Variants in TRHDE observed in about 807,000 individuals in gnomAD.
TRHDE encodes thyrotropin-releasing hormone-degrading ectoenzyme.
Under a neutral mutation model 125.7 loss-of-function variants are expected in TRHDE, and 72 were observed. That is an observed-to-expected ratio of 0.57 (90% CI 0.47 to 0.70). The LOEUF (loss-of-function observed/expected upper bound fraction) is 0.70, where lower values mean the gene tolerates loss of function less well. Ranked by LOEUF, TRHDE falls within the 30% of genes least tolerant of loss-of-function variation. The pLI is 0.00. For synonymous variants in TRHDE, 509 were observed against 509.1 expected, an observed-to-expected ratio of 1.00 and a Z score of 0.00; for missense variants, 1,110 against 1,327.1, an observed-to-expected ratio of 0.84 and a Z score of 2.54.
intron 9 of TRHDE, among the ~76,000 whole-genome samples, chr12:72,563,797 C>T (rs1248414518): frequency 1.8e-4 from 3 of 16,702 alleles, no homozygotes; most frequent in Non-Finnish European, 3.5e-4. Flanking sequence ...CCAGTGAGGG[C>T]TGGGGGCGGG....
chr12:72,485,195 G>T (rs1409446408), intron 5 of TRHDE, among the ~76,000 whole-genome samples: 1 of 152,082 alleles, frequency 6.6e-6, no homozygotes, highest in African/African-American at 2.4e-5. Flanking sequence ...GAAGGAGTGT[G>T]GCTATTCCCC....
chr12:72,167,899 C>G (rs1876787944), intron 2 of TRHDE, among the ~76,000 whole-genome samples: 1 of 152,148 alleles, frequency 6.6e-6, no homozygotes, highest in Non-Finnish European at 1.5e-5. Flanking sequence ...AGACTGTGTC[C>G]TCCAGGGGTA....
At chr12:72,295,526 T>G (rs1880262214) in intron 2 of TRHDE, among the ~76,000 whole-genome samples, 2 of 152,158 alleles carry the variant, frequency 1.3e-5, no homozygotes, top group Non-Finnish European at 2.9e-5. Flanking sequence ...ACTGTTTAAT[T>G]TTATTGTGTG....
chr12:72,483,513 CT>C (rs1377418042), intron 5 of TRHDE, among the ~76,000 whole-genome samples: 2 of 151,772 alleles, frequency 1.3e-5, no homozygotes, highest in African/African-American at 4.8e-5. Flanking sequence ...ATAATATTAC[CT>C]GCAGGGTAAT....
chr12:72,403,582 A>G (rs1367656175), intron 3 of TRHDE, among the ~76,000 whole-genome samples: 1 of 152,186 alleles, frequency 6.6e-6, no homozygotes, highest in Non-Finnish European at 1.5e-5. Context: ...AGTTAGACTT[A>G]CTCTAAATAT....
intron 2 of TRHDE, among the ~76,000 whole-genome samples, chr12:72,294,487 G>C (rs896061605): frequency 1.2e-4 from 18 of 152,142 alleles, no homozygotes; most frequent in African/African-American, 4.1e-4. Flanking sequence ...TGCTTGTGCA[G>C]CTTTCAGCAG....
chr12:72,463,975 G>A (rs1420429580), intron 3 of TRHDE, among the ~76,000 whole-genome samples: 1 of 152,138 alleles, frequency 6.6e-6, no homozygotes, highest in Non-Finnish European at 1.5e-5. Context: ...ATGTTCTCAG[G>A]GCAATGGGCC....
chr12:72,591,677 G>A (rs1449281653), intron 12 of TRHDE, among the ~76,000 whole-genome samples: 1 of 131,184 alleles, frequency 7.6e-6, no homozygotes, highest in East Asian at 2.6e-4. Context: ...CAATTCTGCT[G>A]ACAAAAATTC....
intron 12 of TRHDE, among the ~76,000 whole-genome samples, chr12:72,592,919 G>A (rs1036378331): frequency 6.6e-6 from 1 of 152,040 alleles, no homozygotes; most frequent in Non-Finnish European, 1.5e-5. Flanking sequence ...TGCCATGTTG[G>A]CCAGGCTGGT....
At chr12:72,510,658 G>GA (rs908570490) in intron 6 of TRHDE, among the ~76,000 whole-genome samples, 11 of 151,486 alleles carry the variant, frequency 7.3e-5, no homozygotes, top group Non-Finnish European at 1.3e-4. Flanking sequence ...TTCCATGAAT[G>GA]AAAAAAAATG....
At chr12:72,259,527 T>A (rs973027426) in intron 2 of TRHDE, among the ~76,000 whole-genome samples, 20 of 152,202 alleles carry the variant, frequency 1.3e-4, no homozygotes, top group African/African-American at 4.1e-4. Context: ...TCAGGCATTG[T>A]TGCTCCCAGG....
At chr12:72,640,378 G>A (rs984247894) in intron 15 of TRHDE, among the ~76,000 whole-genome samples, 3 of 152,226 alleles carry the variant, frequency 2.0e-5, no homozygotes, top group Admixed American at 2.0e-4. Context: ...CACGGTGCGT[G>A]CACCCACTGA....
At chr12:72,489,975 A>G (rs1479806825) in intron 5 of TRHDE, among the ~76,000 whole-genome samples, 1 of 151,920 alleles carries the variant, frequency 6.6e-6, no homozygotes, top group Non-Finnish European at 1.5e-5. Context: ...CAGGCCACAA[A>G]AGAAAACATA....
At chr12:72,162,150 G>C (rs189700514) in intron 2 of TRHDE, among the ~76,000 whole-genome samples, 106 of 152,272 alleles carry the variant, frequency 7.0e-4, no homozygotes, top group African/African-American at 2.2e-3. Flanking sequence ...AGTGAAAAAC[G>C]TACTACAAGA....
At position 72,409,536 on chromosome 12, in the gene TRHDE, C is replaced by G. The variant is rs181026122; in HGVS notation, c.1315+31415C>G. Among the ~76,000 whole-genome samples the G allele has an allele frequency of 1.1e-3, 165 of 152,312 alleles. 1 individual carries two copies. The highest frequency in any genetic ancestry group is 3.8e-3 in the African/African-American group (157 of 41,578). On this transcript the variant is annotated intron_variant, in intron 3 of 18. Transcript: ENST00000261180. ...GCAACACTCCTGAGCACTGTTGAAA[C>G]TGGTTTCCCAGATAGAGGATGCCCC...
chr12:72,626,150 C>T (rs1231741066), intron 15 of TRHDE, among the ~76,000 whole-genome samples: 3 of 151,878 alleles, frequency 2.0e-5, no homozygotes, highest in African/African-American at 4.8e-5. Flanking sequence ...CTTTGGGAAT[C>T]GCTGGTGTAG....
At chr12:72,371,374 G>T (rs1278925900) in intron 2 of TRHDE, among the ~76,000 whole-genome samples, 9 of 150,208 alleles carry the variant, frequency 6.0e-5, no homozygotes, top group African/African-American at 2.2e-4. Context: ...CACAAAACTG[G>T]CTTTTATTTA....
In TRHDE at chr12:72,575,155, A is replaced by G; in HGVS notation, c.2132-100A>G. 1.0e-5 allele frequency: 11 copies of G among 1,091,402 alleles called. No homozygotes were observed. The South Asian group carries it at 1.4e-4, about 14-fold the overall frequency. 67.6% of individuals were successfully genotyped at this position (1,091,402 alleles called of 1,614,324 possible). ...CAATTAGGTATTTAAGATGACATTC[A>G]CTTAATTATTGGTATTGTTATATCT... On this transcript the variant is annotated intron_variant, in intron 10 of 18. Transcript: ENST00000261180.
rs967158415 is a variant in TRHDE at position 72,670,582 on chromosome 12, T to C, written c.*7387T>C. The C allele has an allele frequency of 6.6e-6, 1 of 151,710 alleles. No homozygotes were observed. The highest frequency in any genetic ancestry group is 1.5e-5 in the Non-Finnish European group (1 of 67,798). The allele number at this position is 151,710 out of a possible 1,614,324, so 9.4% of individuals were successfully genotyped here. ...ACATTTTTAAAATTTTGAGTATATATATTATAGAGGTCCATGCAAATGGAA... is the reference window on the plus strand; with the variant it reads ...ACATTTTTAAAATTTTGAGTATATACATTATAGAGGTCCATGCAAATGGAA... On this transcript the variant is annotated 3_prime_UTR_variant, in exon 19 of 19. Coordinates refer to ENST00000261180, the MANE Select transcript of TRHDE (RefSeq NM_013381.3).
Sources: gnomAD v4.1 joint callset for allele counts (sites outside exome capture counted in the v4.1 genomes callset) on GRCh38, gnomAD v4.1.1 for gene constraint, MANE v1.5 for transcripts, NCBI Gene and HGNC (gene_info 2026-07-23, HGNC 2026-07-21) for gene names.